PUS7: variants seen among roughly 807,000 people sequenced by gnomAD.
PUS7 encodes pseudouridine synthase 7, also known as pseudouridylate synthase 7 homolog.
Under a neutral mutation model 79.8 loss-of-function variants are expected in PUS7, and 48 were observed. The ratio of observed to expected loss-of-function variants is 0.60; its 90% CI spans 0.48 to 0.76. The LOEUF (loss-of-function observed/expected upper bound fraction) is 0.76. Among genes scored for constraint, PUS7 ranks in the 30% least tolerant of loss-of-function variants. The pLI, the probability that PUS7 is intolerant of heterozygous loss-of-function variation, is 0.00. For missense variants in PUS7, 729 were observed against 797.6 expected, an observed-to-expected ratio of 0.91 and a Z score of 1.04; for synonymous variants, 286 against 272.2, an observed-to-expected ratio of 1.05 and a Z score of -0.50.
chr7:105,496,998 A>G (rs1825063885), intron 5 of PUS7: 1 of 1,192,058 alleles, frequency 8.4e-7, no homozygotes. Context: ...CATAAAGAGC[A>G]CAAAAGAGCA....
At chr7:105,467,217 T>C (rs1281297540) in intron 12 of PUS7, among the ~76,000 whole-genome samples, 1 of 151,754 alleles carries the variant, frequency 6.6e-6, no homozygotes, top group African/African-American at 2.4e-5. Context: ...GAAGATGGGA[T>C]ATTAGGAGTG....
At chr7:105,492,575 G>A (rs1824837488) in intron 6 of PUS7, among the ~76,000 whole-genome samples, 1 of 142,968 alleles carries the variant, frequency 7.0e-6, no homozygotes, top group Non-Finnish European at 1.5e-5. Flanking sequence ...GCGGGATCTC[G>A]GCTCACTGCA....
chr7:105,506,356 C>T, intron 2 of PUS7, 83 bp from the exon 3 acceptor site: 1 of 952,662 alleles, frequency 1.0e-6, no homozygotes, highest in Non-Finnish European at 1.6e-6. Flanking sequence ...AACAGCAAGC[C>T]TTACTATTAT....
intron 2 of PUS7, among the ~76,000 whole-genome samples, chr7:105,507,634 C>A (rs1210445211): frequency 6.6e-6 from 1 of 151,762 alleles, no homozygotes; most frequent in African/African-American, 2.4e-5. Flanking sequence ...CTCCACCTCC[C>A]AGGTTCAAGC....
chr7:105,496,073 T>C (rs1313829241), intron 5 of PUS7, among the ~76,000 whole-genome samples: 2 of 151,640 alleles, frequency 1.3e-5, no homozygotes, highest in Admixed American at 1.3e-4. Flanking sequence ...GGCAAGAGAA[T>C]TGCTTGAACC....
Position 105,476,970 on chromosome 7 carries a change from G to T in PUS7, c.1175+4082C>A, listed in dbSNP as rs1269557648. On this transcript the variant is annotated intron_variant, in intron 9 of 15. Transcript: ENST00000469408. ...GTTGAGTTGTTCTTTATATATTCTAGATTTAAGTCTCTTATCAGATGTATG... is the reference window on the plus strand; with the variant it reads ...GTTGAGTTGTTCTTTATATATTCTATATTTAAGTCTCTTATCAGATGTATG... 3.3e-5 allele frequency among the ~76,000 whole-genome samples: 5 copies of T among 152,098 alleles called. No individual in the cohort carries two copies. In the East Asian group the frequency reaches 7.7e-4, roughly 23 times the overall value.
intron 9 of PUS7, among the ~76,000 whole-genome samples, chr7:105,480,623 A>T (rs1247718125): frequency 6.6e-6 from 1 of 152,062 alleles, no homozygotes; most frequent in African/African-American, 2.4e-5. Flanking sequence ...CTAAAAATGC[A>T]AAATTAGCCA....
chr7:105,460,084 G>A (rs1437789551), intron 14 of PUS7, among the ~76,000 whole-genome samples: 2 of 151,888 alleles, frequency 1.3e-5, no homozygotes, highest in African/African-American at 2.4e-5. Context: ...GACTACAGGC[G>A]CCCGCCACCA....
intron 1 of PUS7, among the ~76,000 whole-genome samples, chr7:105,513,934 T>A (rs1488019462): frequency 7.2e-6 from 1 of 138,416 alleles, no homozygotes; most frequent in Admixed American, 7.5e-5. Context: ...AAAAGCTGGC[T>A]GGGCGCGGTG....
At position 105,502,555 on chromosome 7, in the gene PUS7, C is replaced by T; in HGVS notation, c.595G>A (p.Asp199Asn). 1 of 1,613,356 alleles carries T rather than the reference C, an allele frequency of 6.2e-7. No homozygotes were observed. Among genetic ancestry groups the T allele is most frequent in the Non-Finnish European group, 8.5e-7 (1 of 1,179,834 alleles). The change falls in exon 5 of 16, where the codon GAC (aspartate) becomes AAC (asparagine). Residue 199 changes from aspartate (D) to asparagine (N), a missense_variant. Transcript: ENST00000469408. Reference sequence around the variant, plus strand: ...ATGATGGTTCTTTTCTCTTTGGTGTCCTCGATAACCTATTAAAAAAAACAG... The same window carrying T: ...ATGATGGTTCTTTTCTCTTTGGTGTTCTCGATAACCTATTAAAAAAAACAG... ...ETSVAIEVIE[D>N]TKEKRTIIHQ...
At chr7:105,471,203 C>A (rs1413953432) in intron 10 of PUS7, among the ~76,000 whole-genome samples, 1 of 152,084 alleles carries the variant, frequency 6.6e-6, no homozygotes, top group Non-Finnish European at 1.5e-5. Context: ...ATAATTTTAT[C>A]TTTTTATAGT....
chr7:105,492,393 T>C (rs1824824704), intron 6 of PUS7, among the ~76,000 whole-genome samples: 1 of 151,694 alleles, frequency 6.6e-6, no homozygotes, highest in Non-Finnish European at 1.5e-5. Flanking sequence ...GGCACAATCT[T>C]GGCTCACTGC....
chr7:105,475,106 T>C (rs1586111281), intron 9 of PUS7, among the ~76,000 whole-genome samples: 1 of 152,364 alleles, frequency 6.6e-6, no homozygotes, highest in East Asian at 1.9e-4. Context: ...TGTAAAGGTT[T>C]AGTATACAAT....
intron 14 of PUS7, among the ~76,000 whole-genome samples, chr7:105,460,809 G>T (rs866902875): frequency 1.4e-5 from 2 of 138,584 alleles, no homozygotes; most frequent in African/African-American, 5.5e-5. Flanking sequence ...AGCCGAGATC[G>T]CGCCACTGCA....
chr7:105,462,798 G>A, intron 13 of PUS7, 48 bp from the exon 14 acceptor site: 1 of 1,569,122 alleles, frequency 6.4e-7, no homozygotes, highest in South Asian at 1.1e-5. Flanking sequence ...TGTCAGTCAA[G>A]TTATCCTGAA....
rs752230875 is a variant in PUS7 at position 105,468,467 on chromosome 7, G to A, written c.1399-4C>T. 2 of 1,582,402 alleles carry A rather than the reference G, an allele frequency of 1.3e-6. No homozygotes were observed. The highest frequency in any genetic ancestry group is 2.3e-5 in the South Asian group (2 of 85,530). On this transcript the variant is annotated splice_polypyrimidine_tract_variant and splice_region_variant and intron_variant, in intron 11 of 15. Coordinates refer to ENST00000469408, the MANE Select transcript of PUS7 (RefSeq NM_019042.5). Reference sequence around the variant, plus strand: ...TTAAGCGATTATTTCTGGGTATCTGGAGGGAAGGAAAAAAATAGGCAAGAA... The same window carrying A: ...TTAAGCGATTATTTCTGGGTATCTGAAGGGAAGGAAAAAAATAGGCAAGAA...
chr7:105,458,023 T>G (rs1163641298), intron 15 of PUS7, 97 bp from the exon 16 acceptor site: 6 of 1,403,146 alleles, frequency 4.3e-6, no homozygotes, highest in Non-Finnish European at 5.7e-6. Context: ...AGAACTGTGC[T>G]GCTTTCCTTA....
intron 11 of PUS7, among the ~76,000 whole-genome samples, chr7:105,469,856 G>A (rs1362093992): frequency 6.6e-6 from 1 of 152,168 alleles, no homozygotes; most frequent in Admixed American, 6.5e-5. Flanking sequence ...GCCTCCCAAA[G>A]TGCTGGGATT....
chr7:105,468,226 C>T, intron 12 of PUS7, 111 bp downstream of exon 12: 1 of 1,416,802 alleles, frequency 7.1e-7, no homozygotes, highest in Non-Finnish European at 9.5e-7. Context: ...TACCACCGTG[C>T]CTCACCACAT....
Sources: gnomAD v4.1 joint callset for allele counts (sites outside exome capture counted in the v4.1 genomes callset) on GRCh38, gnomAD v4.1.1 for gene constraint, MANE v1.5 for transcripts, NCBI Gene and HGNC (gene_info 2026-07-23, HGNC 2026-07-21) for gene names.